Variants in PRH1 observed in about 807,000 individuals in gnomAD.
PRH1 encodes the protein proline rich protein HaeIII subfamily 1.
Under a neutral mutation model 7.9 loss-of-function variants are expected in PRH1, and 7 were observed. The observed-to-expected ratio is 0.89, with a 90% CI of 0.50 to 1.67. The LOEUF (loss-of-function observed/expected upper bound fraction) is 1.67. PRH1 is among the 40% of genes most tolerant of loss of function. The probability of loss-of-function intolerance (pLI) is 0.00; values close to 1 mark genes in which losing one functional copy is unlikely to be tolerated. For missense variants in PRH1, 109 were observed against 223.6 expected, an observed-to-expected ratio of 0.49 and a Z score of 3.27; for synonymous variants, 45 against 80.8, an observed-to-expected ratio of 0.56 and a Z score of 2.38.
intron 2 of PRH1, chr12:10,931,242 G>C (rs1950208262): frequency 7.0e-7 from 1 of 1,434,800 alleles, no homozygotes; most frequent in South Asian, 1.4e-5. Flanking sequence ...GCAAGATCTT[G>C]TTTTTAAACA....
At chr12:11,110,993 G>A (rs935315523) in intron 1 of PRH1, among the ~76,000 whole-genome samples, 1 of 151,984 alleles carries the variant, frequency 6.6e-6, no homozygotes, top group African/African-American at 2.4e-5. Flanking sequence ...AGAAAGCAGG[G>A]GTGGCAATCC....
At chr12:10,929,190 C>T (rs1950165830) in intron 2 of PRH1, 1 of 1,595,876 alleles carries the variant, frequency 6.3e-7, no homozygotes, top group Non-Finnish European at 8.6e-7. Flanking sequence ...CTCAAATGCG[C>T]CATTGTCCTG....
intron 1 of PRH1, among the ~76,000 whole-genome samples, chr12:11,168,235 A>C (rs866819465): frequency 9.6e-5 from 1 of 10,398 alleles, no homozygotes; most frequent in African/African-American, 2.2e-4. Flanking sequence ...AAAGAAAGAA[A>C]GAAAGAAAGA....
At chr12:11,082,798 C>G (rs796562067) in intron 1 of PRH1, among the ~76,000 whole-genome samples, 59 of 99,468 alleles carry the variant, frequency 5.9e-4, no homozygotes, top group East Asian at 9.7e-4. Context: ...TTTTGTTCCA[C>G]TTCCATATGA....
upstream of PRH1, among the ~76,000 whole-genome samples, chr12:10,885,642 G>C (rs1410808476): frequency 6.6e-6 from 1 of 152,170 alleles, no homozygotes; most frequent in East Asian, 1.9e-4. Flanking sequence ...GCTGCTGATT[G>C]CTCTGTGATA....
rs1427986645 is a variant in PRH1, at chr12:11,061,823, AT to A, written n.124-14636del. On this transcript the variant is annotated intron_variant and non_coding_transcript_variant, in intron 1 of 4. Transcript: ENST00000541977. ...ATCTTCCAAGTCATGTTTCCTTCAT[AT>A]TCTTTTGTCCATATAATCTGATTCA... 3 of 1,614,084 alleles carry A rather than the reference AT, an allele frequency of 1.9e-6. No individual in the cohort carries two copies. The Admixed American group carries it at 5.0e-5, about 27-fold the overall frequency.
At chr12:10,936,643 C>T (rs866454449) in intron 2 of PRH1, among the ~76,000 whole-genome samples, 5 of 152,166 alleles carry the variant, frequency 3.3e-5, no homozygotes. Context: ...CTATAGATTA[C>T]TTTCCATATT....
In PRH1 at chr12:10,986,196, T is replaced by C. The variant is rs766092295; in HGVS notation, c.-125-12475A>G. The C allele has an allele frequency of 3.7e-6, 6 of 1,614,106 alleles. No individual in the cohort carries two copies. In the East Asian group the frequency reaches 1.3e-4, roughly 36 times the overall value. On this transcript the variant is annotated intron_variant, in intron 1 of 3. Coordinates refer to the PRH1 transcript ENST00000539853. Reference sequence around the variant, plus strand: ...AGTTTGCAAAGCTTTTATGTGGACCTTGGTGCTGAGATCTTGCGATCCTTC... The same window carrying C: ...AGTTTGCAAAGCTTTTATGTGGACCCTGGTGCTGAGATCTTGCGATCCTTC...
chr12:11,006,569 C>A (rs562772985), intron 1 of PRH1, among the ~76,000 whole-genome samples: 5 of 151,570 alleles, frequency 3.3e-5, no homozygotes, highest in African/African-American at 1.2e-4. Flanking sequence ...TTTGTGGAGA[C>A]AAATTTCCAA....
chr12:10,897,323 T>C (rs1423329038), intron 2 of PRH1, among the ~76,000 whole-genome samples: 1 of 152,236 alleles, frequency 6.6e-6, no homozygotes, highest in Non-Finnish European at 1.5e-5. Flanking sequence ...ATTTCTATCA[T>C]TGCCTATCAT....
At chr12:10,922,287 T>A (rs11054076) in intron 2 of PRH1, among the ~76,000 whole-genome samples, 1 of 152,038 alleles carries the variant, frequency 6.6e-6, no homozygotes, top group Non-Finnish European at 1.5e-5. Context: ...TCTGGAAAAC[T>A]TTTTTATAAA....
chr12:10,995,280 C>G (rs1033214212), intron 1 of PRH1, among the ~76,000 whole-genome samples: 1 of 152,108 alleles, frequency 6.6e-6, no homozygotes, highest in Non-Finnish European at 1.5e-5. Context: ...TAAGCAAGAT[C>G]TATATGATCT....
chr12:10,953,618 A>T (rs2135918734), intron 2 of PRH1, among the ~76,000 whole-genome samples: 1 of 152,340 alleles, frequency 6.6e-6, no homozygotes, highest in Admixed American at 6.5e-5. Context: ...TTTTGTTAAC[A>T]GACTAAATAT....
rs764452998 is a variant in PRH1, at chr12:11,030,959, T to C, written c.-126+16061A>G. The C allele has an allele frequency of 1.4e-5, 23 of 1,614,176 alleles. No individual in the cohort carries two copies. The highest frequency in any genetic ancestry group is 1.3e-4 in the East Asian group (6 of 44,908). ...CAACAGCATCACCAGAATGACACTC[T>C]TAACTCTCCTCTTTAAGTGAAGAAA... On this transcript the variant is annotated intron_variant, in intron 1 of 3. Transcript: ENST00000539853.
intron 1 of PRH1, among the ~76,000 whole-genome samples, chr12:11,014,505 G>C (rs1221448589): frequency 6.6e-6 from 1 of 152,132 alleles, no homozygotes; most frequent in East Asian, 1.9e-4. Context: ...AATAGTTAAA[G>C]AGGCTTCATA....
At chr12:11,154,081 C>T (rs1947183805) in intron 1 of PRH1, among the ~76,000 whole-genome samples, 1 of 152,048 alleles carries the variant, frequency 6.6e-6, no homozygotes, top group Non-Finnish European at 1.5e-5. Flanking sequence ...ATTCAACATA[C>T]TCAATACTGG....
intron 2 of PRH1, among the ~76,000 whole-genome samples, chr12:10,961,600 G>T (rs933245852): frequency 4.9e-5 from 7 of 143,696 alleles, no homozygotes; most frequent in Non-Finnish European, 1.0e-4. Flanking sequence ...CTCTAGGCCA[G>T]CACCTTGCCT....
At chr12:11,016,879 T>A (rs1941321618) in intron 1 of PRH1, among the ~76,000 whole-genome samples, 1 of 152,150 alleles carries the variant, frequency 6.6e-6, no homozygotes, top group Non-Finnish European at 1.5e-5. Flanking sequence ...AAAATAATAA[T>A]CACATTCTCC....
chr12:10,944,767 A>C (rs1950459922), intron 2 of PRH1, among the ~76,000 whole-genome samples: 1 of 152,164 alleles, frequency 6.6e-6, no homozygotes, highest in Non-Finnish European at 1.5e-5. Context: ...TTTAACATGA[A>C]GGGATGTTGA....
Sources: allele counts gnomAD v4.1 joint callset (sites outside exome capture counted in the v4.1 genomes callset), GRCh38; gene constraint gnomAD v4.1.1; transcripts MANE v1.5; gene names NCBI Gene and HGNC (gene_info 2026-07-23, HGNC 2026-07-21).